The following DBN1 variants were observed in gnomAD, a reference collection of about 807,000 sequenced individuals.
DBN1 encodes drebrin 1, also known as drebrin.
DBN1 carries 21 observed loss-of-function variants against 83.5 expected under a neutral mutation model. That is an observed-to-expected ratio of 0.25 (90% CI 0.18 to 0.36). DBN1 has a LOEUF of 0.36. Among genes scored for constraint, DBN1 ranks in the 10% least tolerant of loss-of-function variants. DBN1 has a pLI of 1.00. For missense variants in DBN1, 874 were observed against 935.7 expected (o/e 0.93, Z 0.86); for synonymous variants, 381 against 384.9 (o/e 0.99, Z 0.12).
At chr5:177,464,998 C>CA (rs1181594213) in intron 8 of DBN1, among the ~76,000 whole-genome samples, 3 of 151,708 alleles carry the variant, frequency 2.0e-5, no homozygotes, top group Admixed American at 6.6e-5. Context: ...ACTAAAAATA[C>CA]AAAAAATTAG....
At position 177,461,181 on chromosome 5, in the gene DBN1, C is replaced by G. The variant is rs868463490; in HGVS notation, c.772-478G>C. Among the ~76,000 whole-genome samples, 991 of 143,634 alleles carry G rather than the reference C, an allele frequency of 6.9e-3. 12 individuals are homozygous for G. The highest frequency in any genetic ancestry group is 0.025 in the African/African-American group (960 of 38,614). 94.2% of individuals were successfully genotyped at this position (143,634 alleles called of 152,430 possible). On this transcript the variant is annotated intron_variant, in intron 8 of 14. Coordinates refer to ENST00000393565, the MANE Select transcript of DBN1 (RefSeq NM_001363541.2). The stretch of plus-strand genomic sequence containing the variant: ...TGGCGGGATCTCGGCTCACTGCAAG[C>G]TCCGCCTCCCGGGTTCACGCCATTC...
intron 1 of DBN1, among the ~76,000 whole-genome samples, chr5:177,470,006 A>G (rs190480675): frequency 4.6e-5 from 7 of 152,336 alleles, no homozygotes; most frequent in Admixed American, 3.3e-4. Context: ...AGGAGGAAGA[A>G]GAGAAAGGAC....
chr5:177,467,542 C>T lies in DBN1; in HGVS notation c.416G>A (p.Arg139Gln), dbSNP rs1026198836. Residue 139 changes from arginine to glutamine, a missense_variant, in exon 5 of 15, where the codon CGA becomes CAA. By Grantham distance (43) the Arg-to-Gln change is conservative (BLOSUM62 1). Coordinates refer to ENST00000393565, the MANE Select transcript of DBN1 (RefSeq NM_001363541.2). The surrounding 1 kb of genome is among the most constrained non-coding windows in gnomAD (Gnocchi z 9.1). Reference protein sequence around the residue: ...IGQRLSNGLARLSSPVLHRLR... With the variant: ...IGQRLSNGLAQLSSPVLHRLR... ...TCGGTGCAGCACAGGGCTGGAGAGT[C>T]GCGCCAGCCCGTTAGAGAGCCGCTG... 20 of 1,564,854 alleles carry T rather than the reference C, an allele frequency of 1.3e-5. No homozygotes were observed. The highest frequency in any genetic ancestry group is 4.8e-5 in the East Asian group (2 of 41,794).
intron 8 of DBN1, chr5:177,462,371 T>C: frequency 1.0e-6 from 1 of 985,560 alleles, no homozygotes; most frequent in Non-Finnish European, 1.2e-6. Flanking sequence ...CCAGGCCCTC[T>C]GGTTTCCAGC....
intron 8 of DBN1, among the ~76,000 whole-genome samples, chr5:177,463,685 T>C (rs1307990992): frequency 6.6e-6 from 1 of 152,250 alleles, no homozygotes; most frequent in Non-Finnish European, 1.5e-5. Flanking sequence ...ACGTGAACTA[T>C]ACTTGAAGGG....
chr5:177,467,606 C>A lies in DBN1; in HGVS notation c.352G>T (p.Ala118Ser). 6.4e-7 allele frequency: 1 copy of A among 1,571,920 alleles called. No homozygotes were observed. Among genetic ancestry groups the A allele is most frequent in the Non-Finnish European group, 8.6e-7 (1 of 1,158,522 alleles). ...GCGTCTATGTCTTCCACGCTGCTGG[C>A]GTTCACGATCACGTCGACACCCTTC... ...FFQGVDVIVN[A>S]SSVEDIDAGA... Residue 118 changes from alanine (A) to serine (S), a missense_variant, in exon 5 of 15, where the codon GCC becomes TCC. Transcript: ENST00000393565. The surrounding 1 kb of genome is among the most constrained non-coding windows in gnomAD (Gnocchi z 9.1).
chr5:177,469,820 G>A (rs758527670), intron 1 of DBN1, among the ~76,000 whole-genome samples: 12 of 152,346 alleles, frequency 7.9e-5, no homozygotes, highest in African/African-American at 1.7e-4. Context: ...GAGGAGAGCC[G>A]GGGCCTAGGA....
chr5:177,467,084 A>G lies in DBN1; in HGVS notation c.556-22T>C. The G allele has an allele frequency of 6.2e-7, 1 of 1,613,340 alleles. No individual in the cohort carries two copies. The highest frequency in any genetic ancestry group is 8.5e-7 in the Non-Finnish European group (1 of 1,179,868). On this transcript the variant is annotated intron_variant, in intron 6 of 14. Coordinates refer to ENST00000393565, the MANE Select transcript of DBN1 (RefSeq NM_001363541.2). The surrounding 1 kb of genome is among the most constrained non-coding windows in gnomAD (Gnocchi z 9.1). ...CCTTCTGCAAGCCCCGGTGCGAACA[A>G]GGGTAGGCCCCGAGCCTAGGCGCCT...
Position 177,458,077 on chromosome 5 carries a change from G to A in DBN1, c.1895C>T (p.Thr632Ile), listed in dbSNP as rs1756684144. The change falls in exon 13 of 15, where the codon ACC becomes ATC. Residue 632 changes from threonine (T) to isoleucine (I), a missense_variant. By Grantham distance (89) the Thr-to-Ile change is moderately conservative. This residue lies in a region of DBN1 where 725 missense variants were observed against 719.7 expected (regional missense o/e 1.01). Transcript: ENST00000393565. The part of the protein sequence containing the change: ...EPHLLTNGET[T>I]QKEGTQASEG... ...CCGCACCTGGGTCCCCTCCTTCTGG[G>A]TGGTCTCGCCATTGGTTAGCAGGTG... The A allele has an allele frequency of 3.1e-6, 5 of 1,613,836 alleles. No individual in the cohort carries two copies. Among genetic ancestry groups the A allele is most frequent in the Admixed American group, 3.3e-5 (2 of 60,030 alleles).
chr5:177,470,461 C>T (rs1310680762), intron 1 of DBN1, among the ~76,000 whole-genome samples: 1 of 152,160 alleles, frequency 6.6e-6, no homozygotes, highest in East Asian at 1.9e-4. Context: ...CCACCTCCGG[C>T]CACCTCTTCC....
intron 1 of DBN1, chr5:177,472,975 G>T (rs1174544828): frequency 1.0e-5 from 4 of 392,536 alleles, no homozygotes; most frequent in African/African-American, 4.4e-5. Flanking sequence ...TGCTGTGGCC[G>T]GGCCGGGCTG....
Position 177,466,873 on chromosome 5 carries a change from C to CCGGGGGCCCCTGGAGCGCT in DBN1, c.707+19_707+37dup. ...GCAGCCAGCACCCGTCAGGGTGCGC[C>CCGGGGGCCCCTGGAGCGCT]CGGGGGCCCCTGGAGCGCTCCGGGC... On this transcript the variant is annotated intron_variant, in intron 7 of 14. Transcript: ENST00000393565. This position sits in a 1 kb window ranked among gnomAD's most constrained non-coding sequence, Gnocchi z 4.8. 4 of 1,613,784 alleles carry CCGGGGGCCCCTGGAGCGCT rather than the reference C, an allele frequency of 2.5e-6. No homozygotes were observed. Among genetic ancestry groups the CCGGGGGCCCCTGGAGCGCT allele is most frequent in the Non-Finnish European group, 3.4e-6 (4 of 1,179,868 alleles).
rs760494041 is a variant in DBN1 at position 177,467,079 on chromosome 5, G to C, written c.556-17C>G. 3.1e-6 allele frequency: 5 copies of C among 1,613,460 alleles called. No individual in the cohort carries two copies. Among genetic ancestry groups the C allele is most frequent in the South Asian group, 1.1e-5 (1 of 91,064 alleles). On this transcript the variant is annotated splice_polypyrimidine_tract_variant and intron_variant, in intron 6 of 14. Coordinates refer to ENST00000393565, the MANE Select transcript of DBN1 (RefSeq NM_001363541.2). This position sits in a 1 kb window ranked among gnomAD's most constrained non-coding sequence, Gnocchi z 9.1. Reference sequence around the variant, plus strand: ...TTCTTCCTTCTGCAAGCCCCGGTGCGAACAAGGGTAGGCCCCGAGCCTAGG... The same window carrying C: ...TTCTTCCTTCTGCAAGCCCCGGTGCCAACAAGGGTAGGCCCCGAGCCTAGG...
chr5:177,472,911 G>T lies in DBN1; in HGVS notation c.86+525C>A, dbSNP rs907772856. On this transcript the variant is annotated intron_variant, in intron 1 of 14. Coordinates refer to ENST00000393565, the MANE Select transcript of DBN1 (RefSeq NM_001363541.2). ...CACTCCGAGAGGCCCCCCGGTGGGC[G>T]GGGCGCCCGGCCCCCAGCCCGCTCC... 3.4e-6 allele frequency: 3 copies of T among 881,308 alleles called. No homozygotes were observed. In the African/African-American group the frequency reaches 5.5e-5, roughly 16 times the overall value. 54.6% of individuals were successfully genotyped at this position (881,308 alleles called of 1,614,324 possible).
chr5:177,465,692 C>CA (rs747138514), intron 8 of DBN1, among the ~76,000 whole-genome samples: 3 of 151,744 alleles, frequency 2.0e-5, no homozygotes, highest in Non-Finnish European at 4.4e-5. Flanking sequence ...CCAGTCTCTA[C>CA]AAAAACACAA....
At chr5:177,468,347 G>A in intron 2 of DBN1, 127 bp from the exon 3 acceptor site, 2 of 743,540 alleles carry the variant, frequency 2.7e-6, no homozygotes, top group Non-Finnish European at 2.3e-6. Flanking sequence ...GGCCTCTGGG[G>A]TCTGTGGGTC....
intron 8 of DBN1, among the ~76,000 whole-genome samples, chr5:177,464,575 T>G (rs1170063138): frequency 6.6e-6 from 1 of 150,886 alleles, no homozygotes; most frequent in Admixed American, 6.6e-5. Flanking sequence ...CTGGCCAACA[T>G]GGTGAAACCC....
Position 177,457,319 on chromosome 5 carries a change from T to A in DBN1, c.*114A>T. 1.2e-6 allele frequency: 1 copy of A among 860,358 alleles called. No individual in the cohort carries two copies. Among genetic ancestry groups the A allele is most frequent in the Non-Finnish European group, 2.0e-6 (1 of 508,430 alleles). The allele number at this position is 860,358 out of a possible 1,614,324, so 53.3% of individuals were successfully genotyped here. Reference sequence around the variant, plus strand: ...GCCAAGTCCCCAGCCAGGGCCGGAATCCGGAGTGGGTGCCAGGCGGAGCTG... The same window carrying A: ...GCCAAGTCCCCAGCCAGGGCCGGAAACCGGAGTGGGTGCCAGGCGGAGCTG... On this transcript the variant is annotated 3_prime_UTR_variant, in exon 15 of 15. Transcript: ENST00000393565.
In DBN1 at chr5:177,467,684, C is replaced by G; in HGVS notation, c.331-57G>C. ...CACCATCCTCCCGCCATCCCCACCC[C>G]AGCACGCAGACCCTGGTGGCTGTCC... On this transcript the variant is annotated intron_variant, in intron 4 of 14. Transcript: ENST00000393565. This position sits in a 1 kb window ranked among gnomAD's most constrained non-coding sequence, Gnocchi z 9.1. 6.4e-7 allele frequency: 1 copy of G among 1,555,648 alleles called. No homozygotes were observed. The highest frequency in any genetic ancestry group is 1.4e-5 in the African/African-American group (1 of 73,468).
Sources: gnomAD v4.1 joint callset for allele counts (sites outside exome capture counted in the v4.1 genomes callset) on GRCh38, gnomAD v4.1.1 for gene constraint, gnomAD v4.1.1 regional missense constraint, Gnocchi (gnomAD v3.1) non-coding constraint, MANE v1.5 for transcripts, NCBI Gene and HGNC (gene_info 2026-07-23, HGNC 2026-07-21) for gene names.